The following FANCD2 variants were observed in gnomAD, a reference collection of about 807,000 sequenced individuals.
FANCD2 encodes the protein FA complementation group D2.
Under a neutral mutation model 192.3 loss-of-function variants are expected in FANCD2, and 131 were observed. The observed-to-expected ratio is 0.68, with a 90% CI of 0.59 to 0.79. The LOEUF (loss-of-function observed/expected upper bound fraction) is 0.79. FANCD2 is among the 30% of genes least tolerant of loss of function. The probability of loss-of-function intolerance (pLI) is 0.00; values close to 1 mark genes in which losing one functional copy is unlikely to be tolerated. For missense variants in FANCD2, 1,508 were observed against 1,701.6 expected, an observed-to-expected ratio of 0.89 and a Z score of 2.00; for synonymous variants, 524 against 612.5, an observed-to-expected ratio of 0.86 and a Z score of 2.13.
intron 41 of FANCD2, 71 bp from the exon 42 acceptor site, chr3:10,096,255 A>C: frequency 1.3e-6 from 2 of 1,509,564 alleles, no homozygotes; most frequent in Non-Finnish European, 1.8e-6. Flanking sequence ...CAACATTCAA[A>C]GGTTTCTATA....
rs141097910 is a variant in FANCD2, at chr3:10,097,401, G to C, written c.4185+929G>C. Among the ~76,000 whole-genome samples, 989 of 152,270 alleles carry C rather than the reference G, an allele frequency of 6.5e-3. 16 individuals carry two copies. The highest frequency in any genetic ancestry group is 0.022 in the African/African-American group (901 of 41,526). On this transcript the variant is annotated intron_variant, in intron 42 of 43. Coordinates refer to ENST00000675286, the MANE Select transcript of FANCD2 (RefSeq NM_001018115.3). ...GACCATAAGAGACAGGTACACCCGG[G>C]GGGGCCCAGTTCAGAGACCTACCCC...
At chr3:10,027,943 C>T (rs1308452433) in intron 1 of FANCD2, among the ~76,000 whole-genome samples, 1 of 145,038 alleles carries the variant, frequency 6.9e-6, no homozygotes, top group African/African-American at 2.6e-5. Flanking sequence ...TTAGGCCGGG[C>T]GGCTCACACC....
intron 2 of FANCD2, 124 bp downstream of exon 2, chr3:10,028,845 T>A (rs1469861085): frequency 5.7e-6 from 5 of 875,508 alleles, no homozygotes; most frequent in Non-Finnish European, 7.6e-6. Flanking sequence ...GTGCACAGAA[T>A]TAAGGGAGAA....
chr3:10,028,809 A>C, intron 2 of FANCD2, 88 bp downstream of exon 2: 1 of 1,122,914 alleles, frequency 8.9e-7, no homozygotes, highest in Non-Finnish European at 1.4e-6. Context: ...TCAAGTGCTG[A>C]GAATCTTCAA....
chr3:10,096,234 G>A (rs1231450209), intron 41 of FANCD2, 92 bp from the exon 42 acceptor site: 2 of 1,351,508 alleles, frequency 1.5e-6, no homozygotes, highest in Non-Finnish European at 2.1e-6. Flanking sequence ...GGCAGGGCTT[G>A]TGTTCTTATT....
Position 10,039,776 on chromosome 3 carries a change from A to T in FANCD2, c.626A>T (p.His209Leu). ...AGTATTGCTCCAGAGAACCTGCAGC[A>T]TGACATCATCACCAGCCTACCTGAG... Reference protein sequence around the residue: ...LISIAPENLQHDIITSLPEIL... With the variant: ...LISIAPENLQLDIITSLPEIL... Residue 209 changes from histidine to leucine, a missense_variant, in exon 9 of 44, where the codon CAT (histidine) becomes CTT (leucine). This residue lies in a region of FANCD2 where 435 missense variants were observed against 421.9 expected (regional missense o/e 1.03). Coordinates refer to ENST00000675286, the MANE Select transcript of FANCD2 (RefSeq NM_001018115.3). The T allele has an allele frequency of 6.2e-7, 1 of 1,614,070 alleles. No homozygotes were observed.
chr3:10,100,690 T>G (rs1695249272), intron 43 of FANCD2, among the ~76,000 whole-genome samples: 1 of 152,216 alleles, frequency 6.6e-6, no homozygotes, highest in Non-Finnish European at 1.5e-5. Context: ...CCACTTGTAA[T>G]AAATATTTCA....
At chr3:10,064,620 C>A in intron 22 of FANCD2, 109 bp from the exon 23 acceptor site, 1 of 1,343,544 alleles carries the variant, frequency 7.4e-7, no homozygotes, top group Non-Finnish European at 1.1e-6. Context: ...GTTTGTTCTT[C>A]TAATTTCTCC....
At chr3:10,071,139 GAAA>G (rs1210612879) in intron 26 of FANCD2, among the ~76,000 whole-genome samples, 1 of 115,480 alleles carries the variant, frequency 8.7e-6, no homozygotes, top group African/African-American at 3.4e-5. Context: ...AAAAAAAAAA[GAAA>G]AAAAGAAAAA....
chr3:10,051,904 G>GAA (rs1284498855), intron 17 of FANCD2, among the ~76,000 whole-genome samples: 8 of 151,976 alleles, frequency 5.3e-5, no homozygotes, highest in Non-Finnish European at 8.8e-5. Context: ...GATCTGTAGA[G>GAA]AAAGGAGAAA....
At chr3:10,088,236 G>A (rs1038454327) in intron 34 of FANCD2, among the ~76,000 whole-genome samples, 8 of 152,144 alleles carry the variant, frequency 5.3e-5, no homozygotes, top group East Asian at 1.9e-4. Flanking sequence ...GGGGTGGGAC[G>A]TGTTGAGCCT....
chr3:10,052,559 C>G (rs2087250100), intron 18 of FANCD2, 62 bp downstream of exon 18: 2 of 1,137,618 alleles, frequency 1.8e-6, no homozygotes, highest in South Asian at 1.2e-5. Context: ...GCTCTGTCTC[C>G]TAGACTGGAG....
chr3:10,099,415 G>A (rs1345345918), intron 43 of FANCD2: 2 of 897,334 alleles, frequency 2.2e-6, no homozygotes, highest in African/African-American at 3.6e-5. Flanking sequence ...TTGAGTCCGG[G>A]AGCTCAAGGC....
At chr3:10,029,372 G>C (rs550125193) in intron 2 of FANCD2, among the ~76,000 whole-genome samples, 1 of 152,090 alleles carries the variant, frequency 6.6e-6, no homozygotes, top group South Asian at 2.1e-4. Flanking sequence ...ATGGTGGTTT[G>C]TGCCTGTGGT....
Position 10,088,796 on chromosome 3 carries a change from T to C in FANCD2, c.3561-32T>C, listed in dbSNP as rs777042522. On this transcript the variant is annotated intron_variant, in intron 35 of 43. Transcript: ENST00000675286. ...CTGTAGTTGTATTCTACTTTGTTAATTAGTGGGTCAAATATTTGACTCTCA... is the reference window on the plus strand; with the variant it reads ...CTGTAGTTGTATTCTACTTTGTTAACTAGTGGGTCAAATATTTGACTCTCA... 10 of 1,612,174 alleles carry C rather than the reference T, an allele frequency of 6.2e-6. No individual in the cohort carries two copies. The Admixed American group carries it at 1.2e-4, about 19-fold the overall frequency.
At chr3:10,035,563 C>CA (rs1398587366) in intron 6 of FANCD2, among the ~76,000 whole-genome samples, 3 of 152,122 alleles carry the variant, frequency 2.0e-5, no homozygotes, top group African/African-American at 7.2e-5. Context: ...TTTTTAGATG[C>CA]TTATGTAACT....
In FANCD2 at chr3:10,088,626, C is replaced by CT. The variant is rs1243204479; in HGVS notation, c.3560+89dup. Reference sequence around the variant, plus strand: ...GTTTGTCAGAGACTGGACAAATGACCTTTTTAGTGGGAATTTGAAAACAAT... The same window carrying CT: ...GTTTGTCAGAGACTGGACAAATGACCTTTTTTAGTGGGAATTTGAAAACAAT... On this transcript the variant is annotated intron_variant, in intron 35 of 43. Transcript: ENST00000675286. 1.1e-5 allele frequency: 13 copies of CT among 1,146,184 alleles called. No homozygotes were observed. The Admixed American group carries it at 2.3e-4, about 21-fold the overall frequency. The allele number at this position is 1,146,184 out of a possible 1,614,324, so 71.0% of individuals were successfully genotyped here.
chr3:10,031,496 C>T (rs1301827839), intron 2 of FANCD2, among the ~76,000 whole-genome samples: 1 of 122,890 alleles, frequency 8.1e-6, no homozygotes, highest in Non-Finnish European at 1.7e-5. Context: ...AGCAAGACTC[C>T]ATTTCAAAAA....
intron 25 of FANCD2, among the ~76,000 whole-genome samples, 193 bp downstream of exon 25, chr3:10,066,172 C>T (rs2087714649): frequency 6.6e-6 from 1 of 152,216 alleles, no homozygotes; most frequent in African/African-American, 2.4e-5. Context: ...TTAGAATTCA[C>T]TTCACATTGC....
Sources: gnomAD v4.1 joint callset for allele counts (sites outside exome capture counted in the v4.1 genomes callset) on GRCh38, gnomAD v4.1.1 for gene constraint, gnomAD v4.1.1 regional missense constraint, MANE v1.5 for transcripts, NCBI Gene and HGNC (gene_info 2026-07-23, HGNC 2026-07-21) for gene names.